Variants in TXNRD1 observed in about 807,000 individuals in gnomAD.
TXNRD1 encodes thioredoxin reductase 1, also known as thioredoxin reductase 1, cytoplasmic.
TXNRD1 carries 57 observed loss-of-function variants against 80.3 expected under a neutral mutation model. The observed-to-expected ratio is 0.71, with a 90% CI of 0.57 to 0.89. The LOEUF (loss-of-function observed/expected upper bound fraction) is 0.89. Ranked by LOEUF, TXNRD1 falls within the 40% of genes least tolerant of loss-of-function variation. The pLI, the probability that TXNRD1 is intolerant of heterozygous loss-of-function variation, is 0.00. For missense variants in TXNRD1, 730 were observed against 803.0 expected, an observed-to-expected ratio of 0.91 and a Z score of 1.10; for synonymous variants, 291 against 285.2, an observed-to-expected ratio of 1.02 and a Z score of -0.20.
At chr12:104,288,740 A>T in intron 3 of TXNRD1, 191 bp from the exon 4 acceptor site, 1 of 1,454,742 alleles carries the variant, frequency 6.9e-7, no homozygotes, top group Non-Finnish European at 9.1e-7. Flanking sequence ...TGCCGGGGTC[A>T]GACTCCAAGC....
At chr12:104,344,796 G>A (rs1348015579) in intron 16 of TXNRD1, among the ~76,000 whole-genome samples, 2 of 152,170 alleles carry the variant, frequency 1.3e-5, no homozygotes, top group African/African-American at 4.8e-5. Flanking sequence ...AGCTAGCACA[G>A]CCACTGTGGT....
intron 3 of TXNRD1, among the ~76,000 whole-genome samples, chr12:104,287,734 A>G (rs1015035621): frequency 1.3e-5 from 2 of 152,172 alleles, no homozygotes; most frequent in African/African-American, 2.4e-5. Context: ...CAGGCAGTAC[A>G]GGACAGTGAT....
chr12:104,297,259 C>T (rs1347783853), intron 4 of TXNRD1, among the ~76,000 whole-genome samples: 1 of 150,086 alleles, frequency 6.7e-6, no homozygotes, highest in South Asian at 2.1e-4. Context: ...GAGCGGAGAT[C>T]CTGCCATTGC....
intron 1 of TXNRD1, among the ~76,000 whole-genome samples, chr12:104,217,907 C>G (rs558364014): frequency 7.2e-5 from 11 of 151,962 alleles, no homozygotes; most frequent in Admixed American, 1.3e-4. Context: ...TTGTAGCATG[C>G]GACAGGATTT....
chr12:104,325,656 G>A (rs1022382760), intron 11 of TXNRD1, among the ~76,000 whole-genome samples: 2 of 152,038 alleles, frequency 1.3e-5, no homozygotes, highest in African/African-American at 2.4e-5. Flanking sequence ...GGCAGATCAC[G>A]AGGTCAAGGG....
chr12:104,307,639 G>C (rs1182784210), intron 4 of TXNRD1, among the ~76,000 whole-genome samples: 2 of 152,190 alleles, frequency 1.3e-5, no homozygotes, highest in East Asian at 1.9e-4. Flanking sequence ...TATAATGGTA[G>C]GGGAAATAAA....
intron 4 of TXNRD1, among the ~76,000 whole-genome samples, chr12:104,308,121 G>A (rs1397719330): frequency 1.3e-5 from 2 of 151,770 alleles, no homozygotes; most frequent in African/African-American, 4.8e-5. Flanking sequence ...TCAGCCTCTC[G>A]AGTAGCTGGG....
intron 3 of TXNRD1, among the ~76,000 whole-genome samples, chr12:104,277,769 C>A (rs566742694): frequency 6.6e-6 from 1 of 151,778 alleles, no homozygotes; most frequent in Non-Finnish European, 1.5e-5. Context: ...TAGCCTGTTC[C>A]TCACTCTATA....
In TXNRD1 at chr12:104,312,002, GTGTA is replaced by G. The variant is rs57671787; in HGVS notation, c.537+592_537+595del. On this transcript the variant is annotated intron_variant, in intron 5 of 16. Coordinates refer to ENST00000525566, the MANE Select transcript of TXNRD1 (RefSeq NM_001093771.3). ...GTCTTTAAAAAATATATATATATAT[GTGTA>G]TATATATGTATATATACACACATAT... Among the ~76,000 whole-genome samples, 194 of 41,052 alleles carry G rather than the reference GTGTA, an allele frequency of 4.7e-3. 1 individual carries two copies. The highest frequency in any genetic ancestry group is 0.012 in the Non-Finnish European group (172 of 14,590). 26.9% of individuals were successfully genotyped at this position (41,052 alleles called of 152,430 possible).
intron 16 of TXNRD1, among the ~76,000 whole-genome samples, chr12:104,341,654 TC>T (rs1243683530): frequency 6.9e-6 from 1 of 144,202 alleles, no homozygotes; most frequent in Non-Finnish European, 1.5e-5. Flanking sequence ...CAGCTGGGTG[TC>T]TAGAAACAAC....
chr12:104,302,486 C>CCTTTT (rs1555213398), intron 4 of TXNRD1, among the ~76,000 whole-genome samples: 2 of 76,226 alleles, frequency 2.6e-5, no homozygotes, highest in African/African-American at 5.8e-5. Flanking sequence ...TATTCATTCC[C>CCTTTT]TTTTTTTTTT....
intron 4 of TXNRD1, among the ~76,000 whole-genome samples, chr12:104,291,421 G>A (rs1462682024): frequency 6.7e-6 from 1 of 148,460 alleles, no homozygotes; most frequent in Non-Finnish European, 1.5e-5. Flanking sequence ...GGCTGGTCTC[G>A]AACTCCTGAC....
chr12:104,310,196 C>A, intron 4 of TXNRD1: 1 of 1,128,610 alleles, frequency 8.9e-7, no homozygotes, highest in Non-Finnish European at 1.1e-6. Flanking sequence ...GACTCCCAGG[C>A]TGGAGTGCAG....
intron 7 of TXNRD1, among the ~76,000 whole-genome samples, chr12:104,316,275 G>C (rs1297916086): frequency 6.6e-6 from 1 of 151,308 alleles, no homozygotes; most frequent in Admixed American, 6.6e-5. Flanking sequence ...ATGTTTGTGG[G>C]GGGTGGGGGT....
At chr12:104,336,180 AG>A (rs1385734789) in intron 15 of TXNRD1, among the ~76,000 whole-genome samples, 2 of 152,202 alleles carry the variant, frequency 1.3e-5, no homozygotes, top group African/African-American at 4.8e-5. Context: ...GAAACCTTGA[AG>A]GTTTCCTTCC....
At chr12:104,303,306 G>T (rs2034716850) in intron 4 of TXNRD1, among the ~76,000 whole-genome samples, 1 of 152,206 alleles carries the variant, frequency 6.6e-6, no homozygotes, top group Non-Finnish European at 1.5e-5. Flanking sequence ...CCTTGCAAAA[G>T]AACTGAGAGT....
chr12:104,265,260 A>C (rs530262472), intron 3 of TXNRD1: 3 of 1,513,092 alleles, frequency 2.0e-6, no homozygotes, highest in African/African-American at 1.4e-5. Flanking sequence ...TAAAAAAAAA[A>C]AAAAAAAAAC....
At chr12:104,275,287 A>T (rs553187707) in intron 3 of TXNRD1, among the ~76,000 whole-genome samples, 1 of 152,250 alleles carries the variant, frequency 6.6e-6, no homozygotes, top group East Asian at 1.9e-4. Context: ...TCAAAAAAAA[A>T]AGAAAATTAT....
chr12:104,338,743 G>A lies in TXNRD1; in HGVS notation c.1747-396G>A, dbSNP rs2036226463. 2.6e-5 allele frequency among the ~76,000 whole-genome samples: 4 copies of A among 151,846 alleles called. No homozygotes were observed. The South Asian group carries it at 6.2e-4, about 24-fold the overall frequency. ...GGTCATTTTCTTTTTTTGAGATGGAGTCTCGCTCTGTCGTCTAGGCTGGAG... is the reference window on the plus strand; with the variant it reads ...GGTCATTTTCTTTTTTTGAGATGGAATCTCGCTCTGTCGTCTAGGCTGGAG... On this transcript the variant is annotated intron_variant, in intron 15 of 16. Transcript: ENST00000525566.
Sources: allele counts gnomAD v4.1 joint callset (sites outside exome capture counted in the v4.1 genomes callset), GRCh38; gene constraint gnomAD v4.1.1; transcripts MANE v1.5; gene names NCBI Gene and HGNC (gene_info 2026-07-23, HGNC 2026-07-21).